The following TTC1 variants were observed in gnomAD, a reference collection of about 807,000 sequenced individuals.
The protein encoded by TTC1 is tetratricopeptide repeat domain 1.
Under a neutral mutation model 37.6 loss-of-function variants are expected in TTC1, and 31 were observed. The observed-to-expected ratio is 0.82, with a 90% CI of 0.62 to 1.11. TTC1 has a LOEUF of 1.11. Among genes scored for constraint, TTC1 ranks in the 50% most tolerant of loss-of-function variants. The pLI is 0.00. For missense variants in TTC1, 351 were observed against 339.0 expected (o/e 1.04, Z -0.28); for synonymous variants, 127 against 122.4 (o/e 1.04, Z -0.25).
At chr5:160,043,251 G>T in intron 5 of TTC1, 82 bp downstream of exon 5, 3 of 1,444,632 alleles carry the variant, frequency 2.1e-6, no homozygotes, top group Non-Finnish European at 2.9e-6. Flanking sequence ...GTGTGCACTT[G>T]TACATGTGTA....
intron 7 of TTC1, among the ~76,000 whole-genome samples, chr5:160,058,413 T>G (rs113905351): frequency 1.0e-4 from 15 of 146,468 alleles, no homozygotes; most frequent in African/African-American, 4.0e-4. Context: ...GTATTTCTTT[T>G]TTTTTTTTTT....
At chr5:160,035,231 T>C in intron 3 of TTC1, 31 bp downstream of exon 3, 1 of 1,547,914 alleles carries the variant, frequency 6.5e-7, no homozygotes, top group Non-Finnish European at 8.8e-7. Flanking sequence ...GATAATCTGG[T>C]CATCTTGACT....
intron 4 of TTC1, among the ~76,000 whole-genome samples, chr5:160,041,951 A>G (rs1454233629): frequency 1.3e-5 from 2 of 152,064 alleles, no homozygotes; most frequent in Non-Finnish European, 2.9e-5. Flanking sequence ...ATTTTCTGAG[A>G]TGGAGTCTTG....
At chr5:160,037,342 A>C (rs1370379549) in intron 4 of TTC1, among the ~76,000 whole-genome samples, 2 of 152,242 alleles carry the variant, frequency 1.3e-5, no homozygotes, top group African/African-American at 2.4e-5. Context: ...TTTCCAAAGG[A>C]CTGAGAACCT....
intron 2 of TTC1, chr5:160,024,011 C>G: frequency 6.8e-7 from 1 of 1,461,692 alleles, no homozygotes; most frequent in Admixed American, 1.7e-5. Flanking sequence ...TGCAAAGTGG[C>G]CTTTACAGCC....
intron 5 of TTC1, among the ~76,000 whole-genome samples, chr5:160,046,238 G>A (rs1757242445): frequency 6.6e-6 from 1 of 152,098 alleles, no homozygotes; most frequent in African/African-American, 2.4e-5. Flanking sequence ...TCTTGTAAAG[G>A]TCATCAGCAG....
chr5:160,039,374 TTTG>T (rs2113373159), intron 4 of TTC1, among the ~76,000 whole-genome samples: 1 of 152,008 alleles, frequency 6.6e-6, no homozygotes, highest in East Asian at 1.9e-4. Flanking sequence ...GCTGTGTACA[TTTG>T]TTTTGTCACT....
intron 7 of TTC1, among the ~76,000 whole-genome samples, chr5:160,052,882 A>C (rs2113401539): frequency 6.6e-6 from 1 of 152,366 alleles, no homozygotes; most frequent in South Asian, 2.1e-4. Context: ...TTCTAAAATG[A>C]ATTCACCTGC....
chr5:160,034,260 T>C (rs1006483602), intron 2 of TTC1, among the ~76,000 whole-genome samples: 2 of 152,066 alleles, frequency 1.3e-5, no homozygotes, highest in African/African-American at 4.8e-5. Flanking sequence ...GTGCCAGTTA[T>C]ATTGTTAAGA....
In TTC1 at chr5:160,035,215, A is replaced by T. The variant is rs1756982003; in HGVS notation, c.391+15A>T. On this transcript the variant is annotated intron_variant, in intron 3 of 7. Transcript: ENST00000231238. ...TAAGAAAGGAGGTAAGACGACTTTC[A>T]GCACTGATAATCTGGTCATCTTGAC... is the stretch of plus-strand genomic sequence containing the variant. 1 of 1,594,008 alleles carries T rather than the reference A, an allele frequency of 6.3e-7. No homozygotes were observed. The highest frequency in any genetic ancestry group is 8.5e-7 in the Non-Finnish European group (1 of 1,170,932).
chr5:160,056,301 C>T (rs931885110), intron 7 of TTC1, among the ~76,000 whole-genome samples: 3 of 152,218 alleles, frequency 2.0e-5, no homozygotes, highest in Admixed American at 6.5e-5. Context: ...TCCACTCATA[C>T]CTTCACTTTC....
chr5:160,064,901 A>G, intron 7 of TTC1, 31 bp from the exon 8 acceptor site: 1 of 1,601,530 alleles, frequency 6.2e-7, no homozygotes, highest in Non-Finnish European at 8.5e-7. Flanking sequence ...TCATTCCTGT[A>G]TTCATTTGAG....
At chr5:160,033,729 T>TG (rs1428134691) in intron 2 of TTC1, among the ~76,000 whole-genome samples, 1 of 152,166 alleles carries the variant, frequency 6.6e-6, no homozygotes, top group Non-Finnish European at 1.5e-5. Flanking sequence ...GAGAACAACA[T>TG]GGGGGAACCG....
At chr5:160,016,724 C>A (rs1039893880) in intron 2 of TTC1, among the ~76,000 whole-genome samples, 2 of 151,932 alleles carry the variant, frequency 1.3e-5, no homozygotes, top group African/African-American at 4.8e-5. Context: ...AAACTGTGTG[C>A]CCTACCACAA....
rs796317237 is a variant in TTC1, at chr5:160,016,566, G to A, written c.330+5708G>A. ...AAGGATATACACCAAAGTATAAGCAGTAAGTAACTTTGAGAGGTATGATTA... is the reference window on the plus strand; with the variant it reads ...AAGGATATACACCAAAGTATAAGCAATAAGTAACTTTGAGAGGTATGATTA... On this transcript the variant is annotated intron_variant, in intron 2 of 7. Transcript: ENST00000231238. Among the ~76,000 whole-genome samples the A allele has an allele frequency of 2.0e-5, 3 of 152,214 alleles. No homozygotes were observed. In the South Asian group the frequency reaches 6.2e-4, roughly 32 times the overall value.
chr5:160,033,506 T>G (rs1333888065), intron 2 of TTC1, among the ~76,000 whole-genome samples: 1 of 152,198 alleles, frequency 6.6e-6, no homozygotes, highest in Non-Finnish European at 1.5e-5. Context: ...TTTATTTTGG[T>G]TCCTGTATTA....
chr5:160,031,968 G>A (rs1050866670), intron 2 of TTC1, among the ~76,000 whole-genome samples: 1 of 152,196 alleles, frequency 6.6e-6, no homozygotes, highest in Non-Finnish European at 1.5e-5. Context: ...TCCAGCCTGG[G>A]CAACAGAAGG....
intron 5 of TTC1, among the ~76,000 whole-genome samples, chr5:160,045,212 T>C (rs946893359): frequency 6.6e-6 from 1 of 152,148 alleles, no homozygotes; most frequent in African/African-American, 2.4e-5. Context: ...TTCATTTCCA[T>C]ATGAAACAGT....
intron 7 of TTC1, among the ~76,000 whole-genome samples, chr5:160,053,408 A>T (rs1196819997): frequency 1.3e-5 from 2 of 150,654 alleles, no homozygotes; most frequent in Non-Finnish European, 2.9e-5. Flanking sequence ...TCCTGTCACT[A>T]AAAAAATTAG....
Sources: allele counts gnomAD v4.1 joint callset (sites outside exome capture counted in the v4.1 genomes callset), GRCh38; gene constraint gnomAD v4.1.1; transcripts MANE v1.5; gene names NCBI Gene and HGNC (gene_info 2026-07-23, HGNC 2026-07-21).